The following ZCWPW2 variants were observed in gnomAD, a reference collection of about 807,000 sequenced individuals.
The protein encoded by ZCWPW2 is zinc finger CW-type PWWP domain protein 2.
A neutral mutation model predicts 46.6 loss-of-function variants in ZCWPW2; 45 were observed. That is an observed-to-expected ratio of 0.96 (90% confidence interval 0.76 to 1.24). The LOEUF (loss-of-function observed/expected upper bound fraction) is 1.24. Among genes scored for constraint, ZCWPW2 ranks in the 50% most tolerant of loss-of-function variants. The probability of loss-of-function intolerance (pLI) is 0.00; values close to 1 mark genes in which losing one functional copy is unlikely to be tolerated. For synonymous variants in ZCWPW2, 152 were observed against 137.1 expected, an observed-to-expected ratio of 1.11 and a Z score of -0.76; for missense variants, 429 against 403.9, an observed-to-expected ratio of 1.06 and a Z score of -0.53.
In ZCWPW2 at chr3:28,497,874, A is replaced by G. The variant is rs557357710; in HGVS notation, c.657+5701A>G. ...GTAGTACACGTGCACCTGCCTGATCACCTCTGCCCCACTGGCAGCAGTCTG... is the reference window on the plus strand; with the variant it reads ...GTAGTACACGTGCACCTGCCTGATCGCCTCTGCCCCACTGGCAGCAGTCTG... On this transcript the variant is annotated intron_variant, in intron 6 of 9. Transcript: ENST00000383768. 3.4e-4 allele frequency among the ~76,000 whole-genome samples: 51 copies of G among 152,012 alleles called. No individual in the cohort carries two copies. The South Asian group carries it at 8.5e-3, about 25-fold the overall frequency.
Position 28,442,251 on chromosome 3 carries a change from A to G in ZCWPW2, c.492+6982A>G, listed in dbSNP as rs563135836. 1.2e-3 allele frequency among the ~76,000 whole-genome samples: 188 copies of G among 152,358 alleles called. 1 individual carries two copies. Among genetic ancestry groups the G allele is most frequent in the Admixed American group, 1.4e-3 (21 of 15,304 alleles). Reference sequence around the variant, plus strand: ...CTTGGTTGTAGGAGAGTCCAAATGCAGCAACTTATCCTTCACCTTAGAAGG... The same window carrying G: ...CTTGGTTGTAGGAGAGTCCAAATGCGGCAACTTATCCTTCACCTTAGAAGG... On this transcript the variant is annotated intron_variant, in intron 4 of 9. Transcript: ENST00000383768.
At chr3:28,480,140 A>C (rs541359738) in intron 5 of ZCWPW2, among the ~76,000 whole-genome samples, 1 of 152,236 alleles carries the variant, frequency 6.6e-6, no homozygotes, top group South Asian at 2.1e-4. Flanking sequence ...TTGAGCGATC[A>C]CCACACTGTC....
Position 28,515,403 on chromosome 3 carries a change from A to G in ZCWPW2, c.717-151A>G, listed in dbSNP as rs565159986. 9.3e-6 allele frequency: 6 copies of G among 645,310 alleles called. No homozygotes were observed. In the South Asian group the frequency reaches 1.2e-4, roughly 13 times the overall value. 40.0% of individuals were successfully genotyped at this position (645,310 alleles called of 1,614,324 possible). The stretch of plus-strand genomic sequence containing the variant: ...AGTCTTTTTTGTTTTTCACTGCAAC[A>G]TACTTTGTTACTACATAAAACAACC... On this transcript the variant is annotated intron_variant, in intron 7 of 9. Coordinates refer to ENST00000383768, the MANE Select transcript of ZCWPW2 (RefSeq NM_001040432.4).
chr3:28,514,070 A>G lies in ZCWPW2; in HGVS notation c.664A>G (p.Thr222Ala), dbSNP rs1396687665. Residue 222 changes from threonine (T) to alanine (A), a missense_variant, in exon 7 of 10, where the codon ACT becomes GCT. Transcript: ENST00000383768. ...VAALVKKRKQ[T>A]SKNNIEKKKP... ...TTTTGTTTTTGTGTTATAGAAGCAGACTTCTAAAAATAATATTGAAAAGAA... is the reference window on the plus strand; with the variant it reads ...TTTTGTTTTTGTGTTATAGAAGCAGGCTTCTAAAAATAATATTGAAAAGAA... The G allele has an allele frequency of 6.6e-7, 1 of 1,510,278 alleles. No homozygotes were observed. The highest frequency in any genetic ancestry group is 9.1e-7 in the Non-Finnish European group (1 of 1,104,356). The allele number at this position is 1,510,278 out of a possible 1,614,324, so 93.6% of individuals were successfully genotyped here.
At chr3:28,491,790 A>G (rs1699820062) in intron 5 of ZCWPW2, among the ~76,000 whole-genome samples, 2 of 152,122 alleles carry the variant, frequency 1.3e-5, no homozygotes, top group Admixed American at 6.6e-5. Flanking sequence ...GCTGGGATTC[A>G]GTTCTAGATC....
At chr3:28,488,072 A>G (rs138817009) in intron 5 of ZCWPW2, among the ~76,000 whole-genome samples, 1 of 152,188 alleles carries the variant, frequency 6.6e-6, no homozygotes, top group Non-Finnish European at 1.5e-5. Context: ...ATATTTCCCT[A>G]ATCTTCTCTG....
intron 1 of ZCWPW2, among the ~76,000 whole-genome samples, chr3:28,385,140 T>G (rs1695227663): frequency 6.6e-6 from 1 of 152,232 alleles, no homozygotes; most frequent in African/African-American, 2.4e-5. Context: ...TAATCCATAA[T>G]GTGGCATGTC....
At chr3:28,475,083 A>G (rs756045255) in intron 4 of ZCWPW2, among the ~76,000 whole-genome samples, 8 of 151,904 alleles carry the variant, frequency 5.3e-5, no homozygotes, top group Non-Finnish European at 1.2e-4. Flanking sequence ...AGCTCAGGCA[A>G]CCTGTCCAAC....
intron 4 of ZCWPW2, among the ~76,000 whole-genome samples, chr3:28,445,197 A>G (rs1170911407): frequency 6.6e-6 from 1 of 150,406 alleles, no homozygotes; most frequent in Admixed American, 6.6e-5. Flanking sequence ...ATATATATAT[A>G]TATATTTGAG....
intron 4 of ZCWPW2, among the ~76,000 whole-genome samples, chr3:28,475,822 C>T (rs1051125998): frequency 6.6e-6 from 1 of 152,086 alleles, no homozygotes; most frequent in African/African-American, 2.4e-5. Context: ...TGAGAGTTAC[C>T]TTGACCACTC....
intron 9 of ZCWPW2, among the ~76,000 whole-genome samples, chr3:28,521,495 G>C (rs540440366): frequency 6.6e-6 from 1 of 152,164 alleles, no homozygotes; most frequent in Admixed American, 6.6e-5. Context: ...AATCTGCCCC[G>C]TCTGGATTAT....
At chr3:28,397,128 C>CAA (rs35842436) in intron 2 of ZCWPW2, among the ~76,000 whole-genome samples, 1,900 of 137,266 alleles carry the variant, frequency 0.014, 60 homozygotes, top group African/African-American at 0.047. Context: ...TACTCTGTCT[C>CAA]AAAAAAAAAA....
At chr3:28,413,031 T>C (rs1696464706) in intron 2 of ZCWPW2, 25 bp from the exon 3 acceptor site, 1 of 1,550,740 alleles carries the variant, frequency 6.4e-7, no homozygotes. Context: ...CTCATTCTGT[T>C]ATTTTCCTCT....
At chr3:28,485,734 G>A (rs1284522403) in intron 5 of ZCWPW2, among the ~76,000 whole-genome samples, 3 of 152,016 alleles carry the variant, frequency 2.0e-5, no homozygotes, top group Non-Finnish European at 2.9e-5. Flanking sequence ...GGGTTAGCAT[G>A]ATATATTTTT....
chr3:28,506,593 G>T (rs1335049776), intron 6 of ZCWPW2, among the ~76,000 whole-genome samples: 2 of 151,996 alleles, frequency 1.3e-5, no homozygotes, highest in African/African-American at 4.8e-5. Flanking sequence ...TTGGAATAAT[G>T]GTCTTTGCAG....
intron 1 of ZCWPW2, among the ~76,000 whole-genome samples, chr3:28,366,937 G>T (rs1015727893): frequency 6.6e-6 from 1 of 152,196 alleles, no homozygotes; most frequent in Non-Finnish European, 1.5e-5. Context: ...GTGTAGAGGT[G>T]TTTATAGTAT....
rs1378428620 is a variant in ZCWPW2, at chr3:28,369,886, C to T, written c.-133-20612C>T. Among the ~76,000 whole-genome samples the T allele has an allele frequency of 3.3e-5, 5 of 152,318 alleles. No individual in the cohort carries two copies. The East Asian group carries it at 7.7e-4, about 24-fold the overall frequency. ...GGCCCCTCCCCCAGCCTCGCTGCCA[C>T]CTTGCAGTTTGATCTCAGACTGCTG... On this transcript the variant is annotated intron_variant, in intron 1 of 9. Transcript: ENST00000383768.
At chr3:28,444,286 T>C (rs1697895151) in intron 4 of ZCWPW2, among the ~76,000 whole-genome samples, 2 of 152,144 alleles carry the variant, frequency 1.3e-5, no homozygotes. Context: ...ACCAGGACTT[T>C]AGTCTAGTTA....
intron 2 of ZCWPW2, among the ~76,000 whole-genome samples, chr3:28,405,454 G>A (rs1001928215): frequency 6.6e-6 from 1 of 152,110 alleles, no homozygotes; most frequent in African/African-American, 2.4e-5. Context: ...AGCGTACATT[G>A]CTGTAAACAG....
Sources: allele counts gnomAD v4.1 joint callset (sites outside exome capture counted in the v4.1 genomes callset), GRCh38; gene constraint gnomAD v4.1.1; transcripts MANE v1.5; gene names NCBI Gene and HGNC (gene_info 2026-07-23, HGNC 2026-07-21).